The following COP1 variants were observed in gnomAD, a reference collection of about 807,000 sequenced individuals.
COP1 encodes the protein E3 ubiquitin-protein ligase COP1.
A neutral mutation model predicts 101.3 loss-of-function variants in COP1; 24 were observed. The observed-to-expected ratio is 0.24, with a 90% CI of 0.17 to 0.33. The LOEUF is 0.33. Among genes scored for constraint, COP1 ranks in the 10% least tolerant of loss-of-function variants. The pLI is 1.00. For missense variants in COP1, 663 were observed against 906.2 expected (o/e 0.73, Z 3.45); for synonymous variants, 347 against 341.9 (o/e 1.01, Z -0.17).
chr1:176,099,778 C>A (rs936958319), intron 9 of COP1, among the ~76,000 whole-genome samples: 2 of 152,158 alleles, frequency 1.3e-5, no homozygotes, highest in African/African-American at 4.8e-5. Context: ...GTCTACACAG[C>A]TGCTGTAGAG....
chr1:175,967,898 C>T lies in COP1; in HGVS notation c.2133+19045G>A, dbSNP rs185141091. Reference sequence around the variant, plus strand: ...TTCTTTTTTTTTTGAGATGGAGTCTCGCACCGTCACCTAGCCTAGAGTGCA... The same window carrying T: ...TTCTTTTTTTTTTGAGATGGAGTCTTGCACCGTCACCTAGCCTAGAGTGCA... On this transcript the variant is annotated intron_variant, in intron 18 of 19. Coordinates refer to ENST00000367669, the MANE Select transcript of COP1 (RefSeq NM_022457.7). Among the ~76,000 whole-genome samples, 7 of 151,966 alleles carry T rather than the reference C, an allele frequency of 4.6e-5. No individual in the cohort carries two copies. In the East Asian group the frequency reaches 7.8e-4, roughly 17 times the overall value.
At chr1:176,010,047 T>C (rs1435834612) in intron 15 of COP1, among the ~76,000 whole-genome samples, 8 of 152,142 alleles carry the variant, frequency 5.3e-5, no homozygotes, top group Non-Finnish European at 1.5e-5. Context: ...ATATCCAGTC[T>C]GCAAAGAAGC....
chr1:176,072,452 C>T (rs1458188215), intron 11 of COP1, among the ~76,000 whole-genome samples: 1 of 152,134 alleles, frequency 6.6e-6, no homozygotes. Flanking sequence ...AAGACTGATC[C>T]CAGGCAAAAT....
intron 9 of COP1, among the ~76,000 whole-genome samples, chr1:176,086,227 C>CTTTTT (rs11428035): frequency 1.5e-5 from 2 of 135,064 alleles, no homozygotes; most frequent in Non-Finnish European, 3.1e-5. Context: ...GGGAATCTTT[C>CTTTTT]TTTTTTTTTT....
At chr1:176,081,032 A>G (rs1679036614) in intron 11 of COP1, 120 bp downstream of exon 11, 7 of 867,578 alleles carry the variant, frequency 8.1e-6, no homozygotes, top group Middle Eastern at 2.9e-4. Context: ...TCACAGAACT[A>G]ATAATTGGCA....
At chr1:176,118,917 T>C (rs1019089392) in intron 8 of COP1, among the ~76,000 whole-genome samples, 7 of 152,084 alleles carry the variant, frequency 4.6e-5, no homozygotes, top group Non-Finnish European at 8.8e-5. Flanking sequence ...GTACAAAATA[T>C]TACGTATCAA....
At chr1:176,057,946 C>T (rs1673926120) in intron 11 of COP1, among the ~76,000 whole-genome samples, 1 of 152,030 alleles carries the variant, frequency 6.6e-6, no homozygotes, top group African/African-American at 2.4e-5. Context: ...TCTGCCCCGC[C>T]GCCCCTTCTG....
chr1:176,095,736 C>T (rs550747964), intron 9 of COP1, among the ~76,000 whole-genome samples: 3 of 151,452 alleles, frequency 2.0e-5, no homozygotes, highest in East Asian at 1.9e-4. Flanking sequence ...TATGTTTGTA[C>T]TTGTGATACA....
chr1:175,962,274 T>C (rs1414768697), intron 18 of COP1, among the ~76,000 whole-genome samples: 1 of 152,110 alleles, frequency 6.6e-6, no homozygotes, highest in Non-Finnish European at 1.5e-5. Flanking sequence ...AAGAGAGGAA[T>C]TCCCTGTACC....
intron 2 of COP1, among the ~76,000 whole-genome samples, chr1:176,182,582 G>A (rs1194072633): frequency 1.3e-5 from 2 of 152,204 alleles, no homozygotes; most frequent in Non-Finnish European, 2.9e-5. Context: ...TGTCAATAGT[G>A]ACAAGGTTGA....
intron 1 of COP1, 68 bp from the exon 2 acceptor site, chr1:176,184,760 G>C: frequency 9.5e-7 from 1 of 1,049,618 alleles, no homozygotes; most frequent in Non-Finnish European, 1.5e-6. Context: ...GAAAAGACTA[G>C]TAACAATACC....
chr1:176,066,496 C>T (rs983397745), intron 11 of COP1, among the ~76,000 whole-genome samples: 1 of 151,962 alleles, frequency 6.6e-6, no homozygotes, highest in Non-Finnish European at 1.5e-5. Context: ...TTGTAAAAAG[C>T]GTAAAAAAGA....
intron 8 of COP1, among the ~76,000 whole-genome samples, chr1:176,131,441 T>G (rs1688877431): frequency 6.6e-6 from 1 of 151,742 alleles, no homozygotes; most frequent in Non-Finnish European, 1.5e-5. Context: ...TTCATTTAAA[T>G]ACATAATCTA....
At position 176,139,509 on chromosome 1, in the gene COP1, T is replaced by G. The variant is rs114780201; in HGVS notation, c.832-2962A>C. 6.2e-3 allele frequency among the ~76,000 whole-genome samples: 939 copies of G among 152,250 alleles called. 13 individuals are homozygous for G. The highest frequency in any genetic ancestry group is 0.021 in the African/African-American group (886 of 41,548). ...AATCATTCTCCCCCAAAGACAAGTG[T>G]ATTTGTATGTTCATCATAGCTCTAT... On this transcript the variant is annotated intron_variant, in intron 6 of 19. Coordinates refer to ENST00000367669, the MANE Select transcript of COP1 (RefSeq NM_022457.7).
At chr1:176,022,158 T>C (rs886340625) in intron 15 of COP1, among the ~76,000 whole-genome samples, 8 of 152,220 alleles carry the variant, frequency 5.3e-5, no homozygotes, top group Non-Finnish European at 1.0e-4. Context: ...AAGTCTTTTA[T>C]ATGTATGAAA....
intron 15 of COP1, among the ~76,000 whole-genome samples, chr1:176,022,258 C>G (rs1557941798): frequency 6.6e-6 from 1 of 152,194 alleles, no homozygotes; most frequent in Non-Finnish European, 1.5e-5. Flanking sequence ...GCAAGACAGA[C>G]AGGGAAGCTT....
At chr1:176,113,108 T>C (rs532558258) in intron 9 of COP1, among the ~76,000 whole-genome samples, 1 of 152,266 alleles carries the variant, frequency 6.6e-6, no homozygotes, top group South Asian at 2.1e-4. Flanking sequence ...CTATTTTTAG[T>C]TTTCTGAGGA....
chr1:176,065,013 G>C (rs1464306380), intron 11 of COP1, among the ~76,000 whole-genome samples: 2 of 152,032 alleles, frequency 1.3e-5, no homozygotes, highest in East Asian at 1.9e-4. Context: ...TTATAATTTA[G>C]AGAGACACAA....
At chr1:176,103,111 TGGGG>T (rs1480790224) in intron 9 of COP1, among the ~76,000 whole-genome samples, 2 of 152,160 alleles carry the variant, frequency 1.3e-5, no homozygotes, top group Non-Finnish European at 2.9e-5. Context: ...GTCTAGGCAG[TGGGG>T]GAAGGGGAAC....
Sources: gnomAD v4.1 joint callset for allele counts (sites outside exome capture counted in the v4.1 genomes callset) on GRCh38, gnomAD v4.1.1 for gene constraint, MANE v1.5 for transcripts, NCBI Gene and HGNC (gene_info 2026-07-23, HGNC 2026-07-21) for gene names.